HMCN1: variants seen among roughly 807,000 people sequenced by gnomAD.
The protein encoded by HMCN1 is hemicentin 1.
In HMCN1, 321 loss-of-function variants were observed where a neutral mutation model predicts 625.9. The observed-to-expected ratio is 0.51, with a 90% CI of 0.47 to 0.56. HMCN1 has a LOEUF of 0.56. HMCN1 is among the 20% of genes least tolerant of loss of function. The pLI is 0.00. For synonymous variants in HMCN1, 2,425 were observed against 2,417.6 expected (o/e 1.00, Z -0.09); for missense variants, 6,588 against 6,887.3 (o/e 0.96, Z 1.54).
At chr1:186,179,989 T>C (rs897573577) in intron 104 of HMCN1, among the ~76,000 whole-genome samples, 1 of 152,186 alleles carries the variant, frequency 6.6e-6, no homozygotes, top group African/African-American at 2.4e-5. Flanking sequence ...TGCAGCTTAA[T>C]ATAAGGGATG....
At chr1:186,065,146 A>G in intron 48 of HMCN1, 92 bp from the exon 49 acceptor site, 1 of 945,994 alleles carries the variant, frequency 1.1e-6, no homozygotes. Context: ...TGGGATATGT[A>G]GGAAGACAAA....
At chr1:186,071,565 TAATC>T (rs1264554513) in intron 52 of HMCN1, among the ~76,000 whole-genome samples, 2 of 152,268 alleles carry the variant, frequency 1.3e-5, no homozygotes, top group East Asian at 3.9e-4. Flanking sequence ...GTTTTACACA[TAATC>T]AACCAAATAG....
intron 2 of HMCN1, among the ~76,000 whole-genome samples, chr1:185,854,863 A>G: frequency 6.6e-6 from 1 of 152,314 alleles, no homozygotes. Flanking sequence ...AGCAGTATAA[A>G]TATATTTTTA....
chr1:185,933,467 C>A, intron 10 of HMCN1, 82 bp from the exon 11 acceptor site: 1 of 1,356,018 alleles, frequency 7.4e-7, no homozygotes, highest in Non-Finnish European at 1.1e-6. Context: ...TCAGTACATA[C>A]TTATTCAGTT....
intron 69 of HMCN1, among the ~76,000 whole-genome samples, chr1:186,105,531 A>G (rs1660567968): frequency 6.6e-6 from 1 of 152,314 alleles, no homozygotes; most frequent in African/African-American, 2.4e-5. Context: ...AATTTATCCC[A>G]AGAGGGGAGG....
chr1:186,086,348 T>G lies in HMCN1; in HGVS notation c.8987T>G (p.Leu2996Arg), dbSNP rs868742740. ...CEVSGFPPPD[L>R]SWLKNEQPIK... ...GTCTCTGGTTTTCCACCTCCTGACCTCAGCTGGCTCAAGAATGAACAGCCC... is the reference window on the plus strand; with the variant it reads ...GTCTCTGGTTTTCCACCTCCTGACCGCAGCTGGCTCAAGAATGAACAGCCC... The change falls in exon 58 of 107, where the codon CTC becomes CGC. Residue 2996 changes from leucine to arginine, a missense_variant. Leu to Arg is a moderately radical substitution (Grantham distance 102, BLOSUM62 -2). Coordinates refer to ENST00000271588, the MANE Select transcript of HMCN1 (RefSeq NM_031935.3). 1 of 1,613,398 alleles carries G rather than the reference T, an allele frequency of 6.2e-7. No individual in the cohort carries two copies.
At chr1:186,034,967 C>A (rs1269787965) in intron 36 of HMCN1, among the ~76,000 whole-genome samples, 1 of 152,098 alleles carries the variant, frequency 6.6e-6, no homozygotes, top group Non-Finnish European at 1.5e-5. Context: ...TCTTGTATTT[C>A]TTATTCCCAT....
intron 36 of HMCN1, among the ~76,000 whole-genome samples, chr1:186,035,726 C>T (rs1195292075): frequency 6.6e-6 from 1 of 151,878 alleles, no homozygotes; most frequent in Non-Finnish European, 1.5e-5. Flanking sequence ...TATTTTATAG[C>T]TTTATTAAAT....
chr1:186,063,088 A>ATATATATATATC (rs1657851080), intron 48 of HMCN1, among the ~76,000 whole-genome samples: 1 of 124,272 alleles, frequency 8.0e-6, no homozygotes, highest in African/African-American at 3.7e-5. Flanking sequence ...ATATATATAT[A>ATATATATATATC]TATATATATA....
intron 11 of HMCN1, among the ~76,000 whole-genome samples, chr1:185,947,021 C>T (rs1668382765): frequency 4.6e-5 from 7 of 152,126 alleles, no homozygotes; most frequent in Admixed American, 3.3e-4. Context: ...AATTTTATAA[C>T]CATAATGGTG....
chr1:186,042,706 A>G (rs1015850767), intron 40 of HMCN1, among the ~76,000 whole-genome samples: 4 of 152,182 alleles, frequency 2.6e-5, no homozygotes, highest in Admixed American at 2.0e-4. Flanking sequence ...GCTGCTGAAA[A>G]AGTGTAAGAT....
At position 185,734,455 on chromosome 1, in the gene HMCN1, G is replaced by T. The variant is rs1653401398; in HGVS notation, c.-325G>T. On this transcript the variant is annotated 5_prime_UTR_variant, in exon 1 of 107. Coordinates refer to ENST00000271588, the MANE Select transcript of HMCN1 (RefSeq NM_031935.3). ...GCAGCGGGATTCGGGCCGCGGCGCC[G>T]CAGGCTCAGAGCTGCCCCCGGGGCA... 3.8e-6 allele frequency: 1 copy of T among 264,610 alleles called. No individual in the cohort carries two copies. The highest frequency in any genetic ancestry group is 7.1e-6 in the Non-Finnish European group (1 of 141,334). 16.4% of individuals were successfully genotyped at this position (264,610 alleles called of 1,614,324 possible). A position where few individuals can be genotyped will look rare whatever the true frequency, so the allele number is the denominator to read the frequency against.
In HMCN1 at chr1:186,178,468, C is replaced by T. The variant is rs763001807; in HGVS notation, c.15996C>T (p.Asn5332=). The T allele has an allele frequency of 1.9e-6, 3 of 1,614,034 alleles. No homozygotes were observed. Among genetic ancestry groups the T allele is most frequent in the Admixed American group, 1.7e-5 (1 of 60,010 alleles). The change falls in exon 104 of 107, where the codon AAC becomes AAT. Residue 5332 remains asparagine (N), a synonymous_variant. Transcript: ENST00000271588. ...AACCTTGTGCACATCAGTGCTCCAA[C>T]ACCCCCGGCAGCTTCAAGTGTATCT... ...VPKPCAHQCS[N]TPGSFKCICP... is the part of the protein sequence containing the mutation.
chr1:186,053,505 TAA>T (rs1171712622), intron 43 of HMCN1, among the ~76,000 whole-genome samples: 1 of 151,978 alleles, frequency 6.6e-6, no homozygotes, highest in African/African-American at 2.4e-5. Flanking sequence ...GAATATAAAA[TAA>T]AAGTTGATAT....
In HMCN1 at chr1:186,185,245, G is replaced by A. The variant is rs1441046997; in HGVS notation, c.16415-2638G>A. ...TATCATGGACCCCTGCAGCCCACTGGCTTCATGTTTCTGCAAGAGTTCATG... is the reference window on the plus strand; with the variant it reads ...TATCATGGACCCCTGCAGCCCACTGACTTCATGTTTCTGCAAGAGTTCATG... On this transcript the variant is annotated intron_variant, in intron 105 of 106. Coordinates refer to ENST00000271588, the MANE Select transcript of HMCN1 (RefSeq NM_031935.3). 2.6e-5 allele frequency among the ~76,000 whole-genome samples: 4 copies of A among 152,154 alleles called. 1 individual carries two copies. Among genetic ancestry groups the A allele is most frequent in the Admixed American group, 2.0e-4 (3 of 15,272 alleles).
At position 185,884,751 on chromosome 1, in the gene HMCN1, A is replaced by G. The variant is rs528552870; in HGVS notation, c.621+18888A>G. 2.6e-5 allele frequency among the ~76,000 whole-genome samples: 4 copies of G among 152,160 alleles called. No homozygotes were observed. The East Asian group carries it at 7.7e-4, about 29-fold the overall frequency. On this transcript the variant is annotated intron_variant, in intron 4 of 106. Coordinates refer to ENST00000271588, the MANE Select transcript of HMCN1 (RefSeq NM_031935.3). ...TCACACTTTGTGAGGAATATTTTAT[A>G]GAGGACCCATGGGGGACTGAAGGCG...
chr1:185,852,577 TACACACACACAC>T (rs67719442), intron 2 of HMCN1, among the ~76,000 whole-genome samples: 2,581 of 135,590 alleles, frequency 0.019, 76 homozygotes, highest in African/African-American at 0.064. Flanking sequence ...ACAAATATCC[TACACACACACAC>T]ACACACACAC....
Position 186,128,115 on chromosome 1 carries a change from A to C in HMCN1, c.12728A>C (p.Asn4243Thr). 6.2e-7 allele frequency: 1 copy of C among 1,613,612 alleles called. No individual in the cohort carries two copies. Among genetic ancestry groups the C allele is most frequent in the Non-Finnish European group, 8.5e-7 (1 of 1,179,706 alleles). ...DSGFYTCVAN[N>T]AAGEDTHTVS... ...GGCTTCTATACCTGTGTTGCTAACA[A>C]TGCTGCAGGTGAAGATACACACACT... The change falls in exon 83 of 107, where the codon AAT becomes ACT. Residue 4243 changes from asparagine (N) to threonine (T), a missense_variant. Around this residue, in one of 3 missense-constraint regions of HMCN1, gnomAD observed 1,954 missense variants for 2,013.1 expected, o/e 0.97. Transcript: ENST00000271588.
intron 1 of HMCN1, among the ~76,000 whole-genome samples, chr1:185,807,318 T>C (rs570957773): frequency 6.6e-6 from 1 of 152,308 alleles, no homozygotes; most frequent in East Asian, 1.9e-4. Flanking sequence ...ATTAATTGCA[T>C]GTAATATTTT....
Sources: gnomAD v4.1 joint callset for allele counts (sites outside exome capture counted in the v4.1 genomes callset) on GRCh38, gnomAD v4.1.1 for gene constraint, gnomAD v4.1.1 regional missense constraint, MANE v1.5 for transcripts, NCBI Gene and HGNC (gene_info 2026-07-23, HGNC 2026-07-21) for gene names.